Variants in SUGCT observed in about 807,000 individuals in gnomAD.
SUGCT encodes the protein succinyl-CoA:glutarate CoA-transferase.
Under a neutral mutation model 55.0 loss-of-function variants are expected in SUGCT, and 41 were observed. That is an observed-to-expected ratio of 0.74 (90% CI 0.58 to 0.97). SUGCT has a LOEUF of 0.97. SUGCT is among the 50% of genes least tolerant of loss of function. SUGCT has a pLI of 0.00. For missense variants in SUGCT, 568 were observed against 547.8 expected, an observed-to-expected ratio of 1.04 and a Z score of -0.37; for synonymous variants, 187 against 200.4, an observed-to-expected ratio of 0.93 and a Z score of 0.56.
chr7:40,728,418 C>G (rs2128692990), intron 12 of SUGCT, among the ~76,000 whole-genome samples: 1 of 152,202 alleles, frequency 6.6e-6, no homozygotes, highest in Non-Finnish European at 1.5e-5. Flanking sequence ...ACTTGGGAGG[C>G]TGAGGCAGGA....
chr7:40,331,330 G>T (rs531476388), intron 9 of SUGCT, among the ~76,000 whole-genome samples: 8 of 151,940 alleles, frequency 5.3e-5, no homozygotes, highest in African/African-American at 1.9e-4. Context: ...ACTTGTTGCT[G>T]CTGAGACTCA....
At chr7:40,942,692 C>T in the SUGCT span, among the ~76,000 whole-genome samples, 5 of 152,004 alleles carry the variant, frequency 3.3e-5, 1 homozygote, top group African/African-American at 1.2e-4. Flanking sequence ...CTCAGGAACA[C>T]TAATCATTCT....
the SUGCT span, among the ~76,000 whole-genome samples, chr7:40,940,031 C>T: frequency 6.6e-6 from 1 of 152,052 alleles, no homozygotes; most frequent in East Asian, 1.9e-4. Context: ...AGACTTTAAT[C>T]CAACTTGAGT....
intron 9 of SUGCT, among the ~76,000 whole-genome samples, chr7:40,335,425 G>A (rs1796629138): frequency 1.3e-5 from 2 of 151,474 alleles, no homozygotes; most frequent in South Asian, 2.1e-4. Context: ...TTATTTCATT[G>A]AGCAGTGGTT....
intron 1 of SUGCT, among the ~76,000 whole-genome samples, chr7:40,147,671 C>G (rs986606793): frequency 2.0e-5 from 3 of 152,174 alleles, no homozygotes; most frequent in Non-Finnish European, 2.9e-5. Context: ...AGTTTCTCTC[C>G]GCGTTGCTGA....
At chr7:40,618,559 A>G (rs1584139454) in intron 12 of SUGCT, among the ~76,000 whole-genome samples, 1 of 152,232 alleles carries the variant, frequency 6.6e-6, no homozygotes, top group Non-Finnish European at 1.5e-5. Flanking sequence ...TGTGTTGAAT[A>G]TGAAATTTTC....
intron 9 of SUGCT, among the ~76,000 whole-genome samples, chr7:40,387,068 C>T (rs1404914852): frequency 6.6e-6 from 1 of 152,138 alleles, no homozygotes; most frequent in Non-Finnish European, 1.5e-5. Context: ...AGCTGGGCTA[C>T]CCTGTGGTGA....
At chr7:40,745,172 A>G (rs1012249985) in intron 12 of SUGCT, among the ~76,000 whole-genome samples, 6 of 152,182 alleles carry the variant, frequency 3.9e-5, no homozygotes, top group African/African-American at 1.4e-4. Flanking sequence ...TTTGTACATT[A>G]TTGCTAATAC....
At chr7:40,344,855 T>C (rs1376432405) in intron 9 of SUGCT, among the ~76,000 whole-genome samples, 1 of 151,452 alleles carries the variant, frequency 6.6e-6, no homozygotes, top group East Asian at 1.9e-4. Context: ...TTCAGTAGTT[T>C]TATGTATATT....
At chr7:40,396,815 TGTAAAATACAAA>T (rs1402347869) in intron 9 of SUGCT, among the ~76,000 whole-genome samples, 2 of 152,194 alleles carry the variant, frequency 1.3e-5, no homozygotes, top group Non-Finnish European at 2.9e-5. Flanking sequence ...CTCCCTCTTT[TGTAAAATACAAA>T]CCATCACTTC....
At chr7:40,159,852 A>G (rs1017229603) in intron 1 of SUGCT, among the ~76,000 whole-genome samples, 2 of 152,194 alleles carry the variant, frequency 1.3e-5, no homozygotes, top group African/African-American at 4.8e-5. Context: ...ATTGTGCTAC[A>G]TGGTATGCAG....
At chr7:40,417,808 G>A (rs962496661) in intron 9 of SUGCT, among the ~76,000 whole-genome samples, 5 of 151,610 alleles carry the variant, frequency 3.3e-5, no homozygotes, top group Admixed American at 1.3e-4. Context: ...TGAAACATGG[G>A]TATGAATCTC....
At chr7:40,627,403 T>C (rs1489146096) in intron 12 of SUGCT, among the ~76,000 whole-genome samples, 1 of 152,124 alleles carries the variant, frequency 6.6e-6, no homozygotes, top group Non-Finnish European at 1.5e-5. Flanking sequence ...ATCAGTCTGA[T>C]TGGTTGTGGA....
At chr7:40,213,917 C>T (rs1787482864) in intron 6 of SUGCT, among the ~76,000 whole-genome samples, 1 of 152,250 alleles carries the variant, frequency 6.6e-6, no homozygotes, top group East Asian at 1.9e-4. Context: ...TTTTCTCCTT[C>T]CTCCTCCTTG....
intron 13 of SUGCT, among the ~76,000 whole-genome samples, chr7:40,759,730 T>G (rs1788440389): frequency 6.6e-6 from 1 of 152,170 alleles, no homozygotes; most frequent in Non-Finnish European, 1.5e-5. Flanking sequence ...CAGTTGACAT[T>G]TATTTAAATA....
Position 40,426,456 on chromosome 7 carries a change from A to G in SUGCT, c.817-22831A>G, listed in dbSNP as rs529810595. ...CTTTTAGAAAGATGACTTATTCTCT[A>G]TGTCCTCAAGTAATTAAAAACTACT... is the stretch of plus-strand genomic sequence containing the variant. On this transcript the variant is annotated intron_variant, in intron 9 of 13. Coordinates refer to ENST00000335693, the MANE Select transcript of SUGCT (RefSeq NM_001193313.2). Among the ~76,000 whole-genome samples the G allele has an allele frequency of 6.6e-5, 10 of 152,302 alleles. No homozygotes were observed. The South Asian group carries it at 1.9e-3, about 28-fold the overall frequency.
chr7:40,321,384 T>C (rs1166146881), intron 9 of SUGCT, among the ~76,000 whole-genome samples: 1 of 129,274 alleles, frequency 7.7e-6, no homozygotes, highest in Non-Finnish European at 1.6e-5. Context: ...GCCATTTTTG[T>C]TTTACTTTGT....
chr7:40,438,648 A>G (rs1297875899), intron 9 of SUGCT, among the ~76,000 whole-genome samples: 1 of 151,994 alleles, frequency 6.6e-6, no homozygotes, highest in East Asian at 1.9e-4. Context: ...CTGTCTCCCC[A>G]CATCATTTCA....
At chr7:40,534,674 C>A (rs1192069072) in intron 12 of SUGCT, among the ~76,000 whole-genome samples, 1 of 152,204 alleles carries the variant, frequency 6.6e-6, no homozygotes. Context: ...CCACCTAGGC[C>A]TCCCAAAGTG....
Sources: gnomAD v4.1 joint callset for allele counts (sites outside exome capture counted in the v4.1 genomes callset) on GRCh38, gnomAD v4.1.1 for gene constraint, MANE v1.5 for transcripts, NCBI Gene and HGNC (gene_info 2026-07-23, HGNC 2026-07-21) for gene names.